The following AJAP1 variants were observed in gnomAD, a reference collection of about 807,000 sequenced individuals.
The protein encoded by AJAP1 is adherens junctions associated protein 1, also known as adherens junction-associated protein 1.
A neutral mutation model predicts 35.0 loss-of-function variants in AJAP1; 5 were observed. That is an observed-to-expected ratio of 0.14 (90% CI 0.07 to 0.30). AJAP1 has a LOEUF of 0.30. Ranked by LOEUF, AJAP1 falls within the 10% of genes least tolerant of loss-of-function variation. The probability of loss-of-function intolerance (pLI) is 1.00; values close to 1 mark genes in which losing one functional copy is unlikely to be tolerated. For synonymous variants in AJAP1, 284 were observed against 249.3 expected (o/e 1.14, Z -1.31); for missense variants, 586 against 571.0 (o/e 1.03, Z -0.27).
chr1:4,771,944 G>A (rs112954657), intron 3 of AJAP1, among the ~76,000 whole-genome samples: 18 of 152,234 alleles, frequency 1.2e-4, no homozygotes, highest in African/African-American at 4.1e-4. Context: ...CCGTCGAGGC[G>A]TTCGTGGGGA....
At chr1:4,718,129 C>T (rs977005508) in intron 2 of AJAP1, among the ~76,000 whole-genome samples, 1 of 151,832 alleles carries the variant, frequency 6.6e-6, no homozygotes, top group African/African-American at 2.4e-5. Context: ...TCCTGAGTGC[C>T]GTGGTTCTGG....
rs1243025498 is a variant in AJAP1, at chr1:4,774,275, G to T, written c.1164-152G>T. 6.0e-6 allele frequency: 4 copies of T among 664,946 alleles called. No homozygotes were observed. The East Asian group carries it at 7.9e-5, about 13-fold the overall frequency. The allele number at this position is 664,946 out of a possible 1,614,324, so 41.2% of individuals were successfully genotyped here. On this transcript the variant is annotated intron_variant, in intron 4 of 5. Transcript: ENST00000378191. ...GACTTCTCCCAGCCACAGGGAATGTGGGGGGTGGTCCCTTCCTGGCAAGGC... is the reference window on the plus strand; with the variant it reads ...GACTTCTCCCAGCCACAGGGAATGTTGGGGGTGGTCCCTTCCTGGCAAGGC...
rs567535189 is a variant in AJAP1, at chr1:4,740,587, C to T, written c.829+27888C>T. On this transcript the variant is annotated intron_variant, in intron 2 of 5. Coordinates refer to ENST00000378191, the MANE Select transcript of AJAP1 (RefSeq NM_018836.4). Reference sequence around the variant, plus strand: ...GATCACAAGGTCAGGAGATCGAGACCATCCTGGCTAACATGGTGAAACCCC... The same window carrying T: ...GATCACAAGGTCAGGAGATCGAGACTATCCTGGCTAACATGGTGAAACCCC... 3.7e-3 allele frequency among the ~76,000 whole-genome samples: 558 copies of T among 151,692 alleles called. 4 individuals are homozygous for T. Among genetic ancestry groups the T allele is most frequent in the African/African-American group, 0.013 (528 of 41,412 alleles).
At chr1:4,729,525 G>A (rs732801) in intron 2 of AJAP1, among the ~76,000 whole-genome samples, 17,809 of 152,172 alleles carry the variant, frequency 0.12, 1,963 homozygotes, top group East Asian at 0.66. Context: ...CTTCCAGTCT[G>A]GAGGAAGGCA....
chr1:4,785,038 G>A lies in AJAP1; in HGVS notation c.*2553G>A, dbSNP rs1642138660. On this transcript the variant is annotated 3_prime_UTR_variant, in exon 6 of 6. Transcript: ENST00000378191. ...ACTAAGGAGGAGGTGACGGCCGGGG[G>A]GCCCTGTTGGTTCGCTGATCATGAG... 6.6e-6 allele frequency: 1 copy of A among 152,288 alleles called. No homozygotes were observed. Among genetic ancestry groups the A allele is most frequent in the Non-Finnish European group, 1.5e-5 (1 of 68,110 alleles). The allele number at this position is 152,288 out of a possible 1,614,324, so 9.4% of individuals were successfully genotyped here.
rs1443014789 is a variant in AJAP1, at chr1:4,655,566, A to G, written c.29+112A>G. 4 of 1,365,490 alleles carry G rather than the reference A, an allele frequency of 2.9e-6. No individual in the cohort carries two copies. The South Asian group carries it at 4.0e-5, about 14-fold the overall frequency. 84.6% of individuals were successfully genotyped at this position (1,365,490 alleles called of 1,614,324 possible). A position where few individuals can be genotyped will look rare whatever the true frequency, so the allele number is the denominator to read the frequency against. On this transcript the variant is annotated intron_variant, in intron 1 of 5. Transcript: ENST00000378191. The surrounding 1 kb of genome is among the most constrained non-coding windows in gnomAD (Gnocchi z 6.9). ...AAGGGACCCCTCTTCGCTTCCCGCA[A>G]GCGGGCAACGGGGTGCACCGGTAGC...
intron 2 of AJAP1, among the ~76,000 whole-genome samples, chr1:4,762,560 G>A (rs1317191726): frequency 6.6e-6 from 1 of 152,200 alleles, no homozygotes; most frequent in East Asian, 1.9e-4. Context: ...GGATGAGACA[G>A]TGCTGTCTAC....
At chr1:4,753,091 C>G (rs549622415) in intron 2 of AJAP1, among the ~76,000 whole-genome samples, 1 of 152,192 alleles carries the variant, frequency 6.6e-6, no homozygotes, top group East Asian at 1.9e-4. Flanking sequence ...CCTTCTTTTA[C>G]GGCGTTTTAT....
intron 1 of AJAP1, among the ~76,000 whole-genome samples, chr1:4,704,376 C>G (rs986112196): frequency 3.5e-5 from 5 of 143,628 alleles, no homozygotes; most frequent in Non-Finnish European, 6.0e-5. Context: ...TCTCATTGTT[C>G]AATTCCCACC....
In AJAP1 at chr1:4,775,606, G is replaced by C. The variant is rs553871153; in HGVS notation, c.*59+1048G>C. ...GGGGAACCAGCTGCAGTCAGAGAGG[G>C]GAGTGAATCGGTCAGTTCCTCATCC... On this transcript the variant is annotated intron_variant, in intron 5 of 5. Transcript: ENST00000378191. 1.6e-4 allele frequency among the ~76,000 whole-genome samples: 25 copies of C among 152,336 alleles called. No homozygotes were observed. The South Asian group carries it at 5.2e-3, about 32-fold the overall frequency.
intron 1 of AJAP1, 59 bp from the exon 2 acceptor site, chr1:4,711,841 G>GA: frequency 7.4e-7 from 1 of 1,352,758 alleles, no homozygotes; most frequent in Middle Eastern, 2.0e-4. Context: ...GGGCCCCGGG[G>GA]CCCAGTCCCC....
chr1:4,736,354 C>T (rs1640923167), intron 2 of AJAP1, among the ~76,000 whole-genome samples: 1 of 152,228 alleles, frequency 6.6e-6, no homozygotes, highest in Non-Finnish European at 1.5e-5. Context: ...CTGTTGCCCG[C>T]TGCGCTGTGC....
In AJAP1 at chr1:4,655,527, C is replaced by T; in HGVS notation, c.29+73C>T. 4.0e-6 allele frequency: 6 copies of T among 1,518,050 alleles called. No individual in the cohort carries two copies. In the South Asian group the frequency reaches 7.1e-5, roughly 18 times the overall value. 94.0% of individuals were successfully genotyped at this position (1,518,050 alleles called of 1,614,324 possible). On this transcript the variant is annotated intron_variant, in intron 1 of 5. Transcript: ENST00000378191. The surrounding 1 kb of genome is among the most constrained non-coding windows in gnomAD (Gnocchi z 6.9). ...GGCTGGGCGGAAGCGGCGCTTTCCT[C>T]TATGTTGCAAATCAAGGGACCCCTC... is the stretch of plus-strand genomic sequence containing the variant.
Position 4,723,196 on chromosome 1 carries a change from G to C in AJAP1, c.829+10497G>C, listed in dbSNP as rs1040881338. 1.3e-5 allele frequency among the ~76,000 whole-genome samples: 2 copies of C among 152,224 alleles called. No individual in the cohort carries two copies. The highest frequency in any genetic ancestry group is 2.9e-5 in the Non-Finnish European group (2 of 68,046). ...TCAGCTGAAAGGGGTGCATTTAATT[G>C]AGAGGCAGAAGCTGGGGAGCAGCAG... On this transcript the variant is annotated intron_variant, in intron 2 of 5. Coordinates refer to ENST00000378191, the MANE Select transcript of AJAP1 (RefSeq NM_018836.4). The surrounding 1 kb of genome is among the most constrained non-coding windows in gnomAD (Gnocchi z 4.3).
At chr1:4,752,649 C>G (rs1259195957) in intron 2 of AJAP1, among the ~76,000 whole-genome samples, 4 of 152,204 alleles carry the variant, frequency 2.6e-5, no homozygotes, top group Admixed American at 6.5e-5. Flanking sequence ...TTTGATGTCA[C>G]TATTTGCTTC....
At chr1:4,664,814 G>A (rs558861870) in intron 1 of AJAP1, among the ~76,000 whole-genome samples, 54 of 152,226 alleles carry the variant, frequency 3.5e-4, no homozygotes, top group Non-Finnish European at 3.4e-4. Flanking sequence ...TCAATTTCCC[G>A]AATGGTTGCA....
Position 4,712,371 on chromosome 1 carries a change from C to G in AJAP1, c.501C>G (p.Phe167Leu), listed in dbSNP as rs1270216057. 1 of 1,533,238 alleles carries G rather than the reference C, an allele frequency of 6.5e-7. No individual in the cohort carries two copies. Among genetic ancestry groups the G allele is most frequent in the Non-Finnish European group, 8.8e-7 (1 of 1,138,026 alleles). 95.0% of individuals were successfully genotyped at this position (1,533,238 alleles called of 1,614,324 possible). Residue 167 changes from phenylalanine to leucine, a missense_variant, in exon 2 of 6, where the codon TTC becomes TTG. Phe to Leu is a conservative substitution (Grantham distance 22). Coordinates refer to ENST00000378191, the MANE Select transcript of AJAP1 (RefSeq NM_018836.4). ...TGCAGGGGGACGGTCTCAGCAGCTT[C>G]GACTCCAGAGGCAGCCGGCCCACCA... ...RHLQGDGLSS[F>L]DSRGSRPTTE... is the part of the protein sequence containing the mutation.
At chr1:4,715,048 G>T (rs1304897458) in intron 2 of AJAP1, among the ~76,000 whole-genome samples, 3 of 152,138 alleles carry the variant, frequency 2.0e-5, no homozygotes, top group Non-Finnish European at 4.4e-5. Flanking sequence ...TGGGGCAGGG[G>T]GAGGAAAACA....
Position 4,712,430 on chromosome 1 carries a change from G to T in AJAP1, c.560G>T (p.Gly187Val). 6.2e-7 allele frequency: 1 copy of T among 1,604,446 alleles called. No individual in the cohort carries two copies. The highest frequency in any genetic ancestry group is 8.5e-7 in the Non-Finnish European group (1 of 1,175,736). Residue 187 changes from glycine to valine, a missense_variant, in exon 2 of 6, where the codon GGG becomes GTG. Gly to Val is a moderately radical substitution (Grantham distance 109). Coordinates refer to ENST00000378191, the MANE Select transcript of AJAP1 (RefSeq NM_018836.4). ...GAGTTCATCGCCTGGGGGCCCACGGGGGACGAGGAGGCCCTGGAGTCCAAC... is the reference window on the plus strand; with the variant it reads ...GAGTTCATCGCCTGGGGGCCCACGGTGGACGAGGAGGCCCTGGAGTCCAAC... ...ETEFIAWGPT[G>V]DEEALESNTF...
Sources: allele counts gnomAD v4.1 joint callset (sites outside exome capture counted in the v4.1 genomes callset), GRCh38; gene constraint gnomAD v4.1.1; non-coding constraint Gnocchi (gnomAD v3.1); transcripts MANE v1.5; gene names NCBI Gene and HGNC (gene_info 2026-07-23, HGNC 2026-07-21).